The following PPP3CA variants were observed in gnomAD, a reference collection of about 807,000 sequenced individuals.
PPP3CA encodes CAM-PRP catalytic subunit.
A neutral mutation model predicts 66.5 loss-of-function variants in PPP3CA; 14 were observed. The ratio of observed to expected loss-of-function variants is 0.21; its 90% CI spans 0.14 to 0.33. The LOEUF (loss-of-function observed/expected upper bound fraction) is 0.33, where lower values mean the gene tolerates loss of function less well. Among genes scored for constraint, PPP3CA ranks in the 10% least tolerant of loss-of-function variants. The pLI, the probability that PPP3CA is intolerant of heterozygous loss-of-function variation, is 1.00. For synonymous variants in PPP3CA, 232 were observed against 226.2 expected, an observed-to-expected ratio of 1.03 and a Z score of -0.23; for missense variants, 317 against 639.5, an observed-to-expected ratio of 0.50 and a Z score of 5.44.
chr4:101,323,872 G>A (rs953496013), intron 1 of PPP3CA, among the ~76,000 whole-genome samples: 2 of 152,108 alleles, frequency 1.3e-5, no homozygotes, highest in African/African-American at 4.8e-5. Flanking sequence ...ACTTTGGGAG[G>A]CCAAGGCAGG....
At chr4:101,149,290 T>C (rs937587555) in intron 2 of PPP3CA, among the ~76,000 whole-genome samples, 1 of 152,194 alleles carries the variant, frequency 6.6e-6, no homozygotes, top group African/African-American at 2.4e-5. Context: ...ACATGCTTTA[T>C]CACATAATTC....
At chr4:101,314,643 T>C (rs1728831885) in intron 1 of PPP3CA, among the ~76,000 whole-genome samples, 1 of 148,856 alleles carries the variant, frequency 6.7e-6, no homozygotes, top group South Asian at 2.1e-4. Context: ...CTGTAAAAAC[T>C]ATAAATAATG....
chr4:101,200,252 A>C (rs546715059), intron 1 of PPP3CA, among the ~76,000 whole-genome samples: 1 of 152,288 alleles, frequency 6.6e-6, no homozygotes, highest in Admixed American at 6.5e-5. Context: ...TGAAAATACT[A>C]GTGGGATATG....
At chr4:101,291,831 T>C (rs1006978127) in intron 1 of PPP3CA, among the ~76,000 whole-genome samples, 1 of 152,016 alleles carries the variant, frequency 6.6e-6, no homozygotes, top group African/African-American at 2.4e-5. Flanking sequence ...TATCAACTTG[T>C]CCTATAACAC....
chr4:101,335,501 T>C (rs1729595427), intron 1 of PPP3CA, among the ~76,000 whole-genome samples: 1 of 152,004 alleles, frequency 6.6e-6, no homozygotes, highest in African/African-American at 2.4e-5. Context: ...GTGAGAGCAA[T>C]GCCTTTAGAA....
intron 3 of PPP3CA, among the ~76,000 whole-genome samples, chr4:101,105,871 G>A (rs1730643955): frequency 1.3e-5 from 2 of 152,214 alleles, no homozygotes; most frequent in Non-Finnish European, 2.9e-5. Flanking sequence ...CAACATGATA[G>A]TCTTGGGATT....
intron 1 of PPP3CA, among the ~76,000 whole-genome samples, chr4:101,309,895 T>G (rs1728670178): frequency 6.6e-6 from 1 of 152,208 alleles, no homozygotes; most frequent in Non-Finnish European, 1.5e-5. Flanking sequence ...AAAAAGAAAG[T>G]ACGTATTTAT....
intron 10 of PPP3CA, among the ~76,000 whole-genome samples, chr4:101,057,029 C>G (rs1728254141): frequency 6.6e-6 from 1 of 151,794 alleles, no homozygotes; most frequent in Admixed American, 6.6e-5. Context: ...ATTGCTTATA[C>G]TGAAATATAT....
Position 101,081,913 on chromosome 4 carries a change from A to G in PPP3CA, c.860+1273T>C, listed in dbSNP as rs17232408. Among the ~76,000 whole-genome samples, 743 of 152,362 alleles carry G rather than the reference A, an allele frequency of 4.9e-3. 4 individuals carry two copies. Among genetic ancestry groups the G allele is most frequent in the Non-Finnish European group, 7.9e-3 (539 of 68,024 alleles). ...ACCTTGACTTTATAGACAGAGGGTG[A>G]CTATGCCTACTTGACAACAAACAAA... On this transcript the variant is annotated intron_variant, in intron 7 of 13. Coordinates refer to ENST00000394854, the MANE Select transcript of PPP3CA (RefSeq NM_000944.5).
At chr4:101,187,722 T>C (rs1238668258) in intron 2 of PPP3CA, among the ~76,000 whole-genome samples, 1 of 152,180 alleles carries the variant, frequency 6.6e-6, no homozygotes, top group African/African-American at 2.4e-5. Flanking sequence ...ACTCAAACTT[T>C]ACCTTTTAAA....
chr4:101,211,146 G>A (rs1468040622), intron 1 of PPP3CA, among the ~76,000 whole-genome samples: 8 of 152,036 alleles, frequency 5.3e-5, no homozygotes, highest in Non-Finnish European at 8.8e-5. Flanking sequence ...TGCCAAGATC[G>A]CACAGCAAAT....
At chr4:101,209,658 T>A (rs2850995) in intron 1 of PPP3CA, among the ~76,000 whole-genome samples, 30,564 of 152,074 alleles carry the variant, frequency 0.2, 4,239 homozygotes, top group African/African-American at 0.37. Context: ...TGTATATGAA[T>A]AGACATAGAA....
rs1302784470 is a variant in PPP3CA, at chr4:101,338,344, G to A, written c.58+8395C>T. 1.6e-4 allele frequency among the ~76,000 whole-genome samples: 24 copies of A among 152,182 alleles called. 1 individual carries two copies. The highest frequency in any genetic ancestry group is 1.6e-3 in the Admixed American group (24 of 15,282). On this transcript the variant is annotated intron_variant, in intron 1 of 13. Coordinates refer to ENST00000394854, the MANE Select transcript of PPP3CA (RefSeq NM_000944.5). ...CTTCTACAAAGACTGGAGCTTACAA[G>A]TCAAGACTCATCAGACATTTGTGTA...
chr4:101,288,676 T>A (rs369543048), intron 1 of PPP3CA, among the ~76,000 whole-genome samples: 1 of 152,042 alleles, frequency 6.6e-6, no homozygotes, highest in South Asian at 2.1e-4. Flanking sequence ...AGCATGCTAG[T>A]TACAAAGACA....
intron 10 of PPP3CA, among the ~76,000 whole-genome samples, chr4:101,054,836 T>C (rs1054838924): frequency 7.9e-5 from 12 of 152,116 alleles, no homozygotes; most frequent in African/African-American, 2.7e-4. Context: ...AAGGCAAAAA[T>C]GTTGACAAAG....
chr4:101,204,359 G>A (rs370981747), intron 1 of PPP3CA, among the ~76,000 whole-genome samples: 6 of 152,100 alleles, frequency 3.9e-5, no homozygotes, highest in Middle Eastern at 3.4e-3. Context: ...CAAGTAGGCC[G>A]GGCTCAGTGG....
chr4:101,048,954 G>A (rs767737704), intron 10 of PPP3CA, among the ~76,000 whole-genome samples: 4 of 151,920 alleles, frequency 2.6e-5, no homozygotes, highest in Non-Finnish European at 5.9e-5. Flanking sequence ...AGGGTGTAAC[G>A]GATTTTAAGT....
rs968570211 is a variant in PPP3CA at position 101,237,157 on chromosome 4, T to C, written c.59-41041A>G. Among the ~76,000 whole-genome samples the C allele has an allele frequency of 2.1e-4, 31 of 150,908 alleles. No individual in the cohort carries two copies. In the East Asian group the frequency reaches 5.9e-3, roughly 29 times the overall value. On this transcript the variant is annotated intron_variant, in intron 1 of 13. Coordinates refer to ENST00000394854, the MANE Select transcript of PPP3CA (RefSeq NM_000944.5). The stretch of plus-strand genomic sequence containing the variant: ...TTTATTAGCTCTCTTTTTTCTATTA[T>C]CTATTATTTTCTATTATTTAGAAAA...
intron 11 of PPP3CA, among the ~76,000 whole-genome samples, chr4:101,034,205 A>G (rs779564658): frequency 6.6e-6 from 1 of 152,090 alleles, no homozygotes; most frequent in African/African-American, 2.4e-5. Context: ...TTCCTTAGAC[A>G]TACCCAGCAC....
Sources: allele counts gnomAD v4.1 joint callset (sites outside exome capture counted in the v4.1 genomes callset), GRCh38; gene constraint gnomAD v4.1.1; transcripts MANE v1.5; gene names NCBI Gene and HGNC (gene_info 2026-07-23, HGNC 2026-07-21).